Variants in CLPX observed in about 807,000 individuals in gnomAD.
CLPX encodes caseinolytic mitochondrial matrix peptidase chaperone subunit X, also known as ATP-dependent clpX-like chaperone, mitochondrial.
CLPX carries 34 observed loss-of-function variants against 76.4 expected under a neutral mutation model. The observed-to-expected ratio is 0.45, with a 90% confidence interval of 0.34 to 0.59. The LOEUF is 0.59. Ranked by LOEUF, CLPX falls within the 20% of genes least tolerant of loss-of-function variation. The probability of loss-of-function intolerance (pLI) is 0.01; values close to 1 mark genes in which losing one functional copy is unlikely to be tolerated. For missense variants in CLPX, 613 were observed against 757.0 expected (o/e 0.81, Z 2.23); for synonymous variants, 248 against 270.9 (o/e 0.92, Z 0.83).
Position 65,152,438 on chromosome 15 carries a change from T to C in CLPX, c.1803A>G (p.Gly601=). The C allele has an allele frequency of 6.5e-7, 1 of 1,526,742 alleles. No homozygotes were observed. The highest frequency in any genetic ancestry group is 8.9e-7 in the Non-Finnish European group (1 of 1,129,884). The allele number at this position is 1,526,742 out of a possible 1,614,324, so 94.6% of individuals were successfully genotyped here. The stretch of plus-strand genomic sequence containing the variant: ...TTGAAAATACACTTTACCGGATGTA[T>C]CCTGGTTCCTTTTTTCCTTCTACTA... ...KEVVEGKKEP[G]YIRAPTKESS... The change falls in exon 13 of 14, where the codon GGA becomes GGG. Residue 601 remains glycine, a synonymous_variant. Coordinates refer to ENST00000300107, the MANE Select transcript of CLPX (RefSeq NM_006660.5).
chr15:65,166,354 A>G (rs770855074), intron 4 of CLPX, among the ~76,000 whole-genome samples: 1 of 152,098 alleles, frequency 6.6e-6, no homozygotes, highest in Non-Finnish European at 1.5e-5. Flanking sequence ...TGTAGATATT[A>G]TTTCAGATTA....
intron 12 of CLPX, 114 bp from the exon 13 acceptor site, chr15:65,152,650 C>T (rs2087737313): frequency 2.3e-5 from 6 of 257,644 alleles, no homozygotes; most frequent in Non-Finnish European, 2.8e-5. Context: ...ACAAACAAAA[C>T]AAATATATAT....
intron 9 of CLPX, 124 bp from the exon 10 acceptor site, chr15:65,155,980 C>A: frequency 1.4e-6 from 1 of 721,662 alleles, no homozygotes; most frequent in Non-Finnish European, 2.3e-6. Flanking sequence ...CCTAATGAAA[C>A]TCCCACATTC....
At position 65,166,664 on chromosome 15, in the gene CLPX, T is replaced by C. The variant is rs1276028506; in HGVS notation, c.480A>G (p.Ala160=). Residue 160 remains alanine, a synonymous_variant, in exon 4 of 14, where the codon GCA becomes GCG. Coordinates refer to ENST00000300107, the MANE Select transcript of CLPX (RefSeq NM_006660.5). ...GGGGAGGTGGTGGTTTCTGTTGGAA[T>C]GCCAATTTTACAGCTTCTGCTGCTG... ...PESAAEAVKL[A]FQQKPPPPPK... 6.2e-7 allele frequency: 1 copy of C among 1,614,064 alleles called. No homozygotes were observed. Among genetic ancestry groups the C allele is most frequent in the East Asian group, 2.2e-5 (1 of 44,884 alleles).
At chr15:65,164,984 C>A (rs982600882) in intron 4 of CLPX, among the ~76,000 whole-genome samples, 26 of 151,946 alleles carry the variant, frequency 1.7e-4, no homozygotes, top group African/African-American at 6.3e-4. Context: ...CAGCTTGGAA[C>A]CTGGGGTAAA....
intron 3 of CLPX, among the ~76,000 whole-genome samples, chr15:65,172,632 G>T (rs575412319): frequency 6.6e-6 from 1 of 152,160 alleles, no homozygotes; most frequent in Non-Finnish European, 1.5e-5. Context: ...AACTCCGTCT[G>T]GGGGGAAAGA....
rs2140613339 is a variant in CLPX at position 65,155,027 on chromosome 15, C to G, written c.1366G>C (p.Ala456Pro). ...CCACTTCGATTAGCAAGGTCTGCAG[C>G]AGCTGCAGCCCTTCTGCCTTTTCCC... ...NLGKGRRAAA[A>P]ADLANRSGES... The change falls in exon 11 of 14, where the codon GCT becomes CCT. Residue 456 changes from alanine to proline, a missense_variant. By Grantham distance (27) the Ala-to-Pro change is conservative (BLOSUM62 -1). Around this residue, in one of 2 missense-constraint regions of CLPX, gnomAD observed 450 missense variants for 638.6 expected, o/e 0.70. Transcript: ENST00000300107. 1.2e-6 allele frequency: 2 copies of G among 1,614,172 alleles called. No individual in the cohort carries two copies. Among genetic ancestry groups the G allele is most frequent in the East Asian group, 4.5e-5 (2 of 44,886 alleles).
At chr15:65,158,449 C>G in intron 7 of CLPX, 126 bp downstream of exon 7, 1 of 750,396 alleles carries the variant, frequency 1.3e-6, no homozygotes, top group Non-Finnish European at 2.1e-6. Flanking sequence ...GATAGTGTAT[C>G]TAGATGACTG....
chr15:65,171,194 C>T (rs1442779682), intron 3 of CLPX, among the ~76,000 whole-genome samples: 1 of 152,074 alleles, frequency 6.6e-6, no homozygotes, highest in East Asian at 1.9e-4. Context: ...CGCCTGTAAT[C>T]CTAGCACTCT....
chr15:65,154,293 C>T (rs2140612033), intron 11 of CLPX, among the ~76,000 whole-genome samples: 1 of 152,188 alleles, frequency 6.6e-6, no homozygotes, highest in South Asian at 2.1e-4. Flanking sequence ...TGACTTGAGG[C>T]AGTGGCAACG....
intron 1 of CLPX, among the ~76,000 whole-genome samples, chr15:65,183,247 G>T (rs187689086): frequency 1.3e-5 from 2 of 151,960 alleles, no homozygotes; most frequent in East Asian, 1.9e-4. Context: ...CGGATCACAA[G>T]ATCAGGAGAT....
rs1261530720 is a variant in CLPX at position 65,157,887 on chromosome 15, G to C, written c.916C>G (p.Leu306Val). ...AAAGGGACATCAAGGCATTTAGCTA[G>C]GGTTTGTGCCAGCAGAGTTTTACCT... ...GSGKTLLAQT[L>V]AKCLDVPFAI... Residue 306 changes from leucine to valine, a missense_variant, in exon 8 of 14, where the codon CTA becomes GTA. Physicochemically the swap from Leu to Val is conservative, Grantham distance 32 (BLOSUM62 1). Around this residue, in one of 2 missense-constraint regions of CLPX, gnomAD observed 450 missense variants for 638.6 expected, o/e 0.70. Transcript: ENST00000300107. 3.1e-6 allele frequency: 5 copies of C among 1,605,044 alleles called. No homozygotes were observed. In the South Asian group the frequency reaches 4.5e-5, roughly 14 times the overall value.
At chr15:65,156,304 T>G (rs1165115085) in intron 9 of CLPX, among the ~76,000 whole-genome samples, 1 of 152,186 alleles carries the variant, frequency 6.6e-6, no homozygotes, top group African/African-American at 2.4e-5. Flanking sequence ...AAAAAAAAAT[T>G]TCCAGCACGT....
chr15:65,172,166 T>C (rs1471021931), intron 3 of CLPX, among the ~76,000 whole-genome samples: 1 of 152,094 alleles, frequency 6.6e-6, no homozygotes, highest in Non-Finnish European at 1.5e-5. Context: ...TTTCTCCATG[T>C]TGGTCAGGCT....
At chr15:65,159,066 T>G (rs890381687) in intron 6 of CLPX, among the ~76,000 whole-genome samples, 1 of 152,210 alleles carries the variant, frequency 6.6e-6, no homozygotes, top group Non-Finnish European at 1.5e-5. Flanking sequence ...GTTAGAAAGC[T>G]TTAGCTCTGG....
intron 1 of CLPX, among the ~76,000 whole-genome samples, chr15:65,183,451 ACT>A (rs1324410535): frequency 8.5e-6 from 1 of 116,972 alleles, no homozygotes; most frequent in Non-Finnish European, 1.7e-5. Flanking sequence ...ACAGAGCGAG[ACT>A]CTGTCTCAAA....
intron 9 of CLPX, 183 bp downstream of exon 9, chr15:65,156,661 G>T: frequency 9.3e-6 from 4 of 431,098 alleles, no homozygotes; most frequent in South Asian, 7.1e-5. Flanking sequence ...AAGGTAATTT[G>T]TTATTTCAAA....
At chr15:65,160,617 T>TCA (rs1219393417) in intron 6 of CLPX, among the ~76,000 whole-genome samples, 11 of 133,778 alleles carry the variant, frequency 8.2e-5, no homozygotes, top group African/African-American at 3.1e-4. Flanking sequence ...TCTCTCTCTC[T>TCA]CTCTCTCACA....
At chr15:65,172,504 G>A (rs2088024039) in intron 3 of CLPX, among the ~76,000 whole-genome samples, 1 of 152,024 alleles carries the variant, frequency 6.6e-6, no homozygotes, top group South Asian at 2.1e-4. Context: ...ATGTTGGCAG[G>A]CGCCTGTAAT....
Sources: allele counts gnomAD v4.1 joint callset (sites outside exome capture counted in the v4.1 genomes callset), GRCh38; gene constraint gnomAD v4.1.1; regional missense constraint gnomAD v4.1.1; transcripts MANE v1.5; gene names NCBI Gene and HGNC (gene_info 2026-07-23, HGNC 2026-07-21).